The following DEPTOR variants were observed in gnomAD, a reference collection of about 807,000 sequenced individuals.
DEPTOR encodes DEP domain containing MTOR interacting protein.
DEPTOR carries 41 observed loss-of-function variants against 41.6 expected under a neutral mutation model. That is an observed-to-expected ratio of 0.98 (90% CI 0.77 to 1.28). The LOEUF (loss-of-function observed/expected upper bound fraction) is 1.28. DEPTOR is among the 50% of genes most tolerant of loss of function. The pLI is 0.00. For missense variants in DEPTOR, 514 were observed against 527.9 expected (o/e 0.97, Z 0.26); for synonymous variants, 195 against 192.3 (o/e 1.01, Z -0.12).
At chr8:119,931,570 G>T (rs148724816) in intron 3 of DEPTOR, among the ~76,000 whole-genome samples, 1 of 152,120 alleles carries the variant, frequency 6.6e-6, no homozygotes, top group Non-Finnish European at 1.5e-5. Flanking sequence ...TGTCCTTCCT[G>T]TGTTATGCGC....
chr8:119,954,923 A>G (rs1424925703), intron 3 of DEPTOR, among the ~76,000 whole-genome samples: 1 of 151,826 alleles, frequency 6.6e-6, no homozygotes, highest in African/African-American at 2.4e-5. Context: ...CAGTGGCACA[A>G]TCTTGGCTCA....
intron 4 of DEPTOR, among the ~76,000 whole-genome samples, chr8:119,974,972 T>C (rs533274557): frequency 6.6e-6 from 1 of 152,214 alleles, no homozygotes; most frequent in South Asian, 2.1e-4. Flanking sequence ...ATTTTCTTTC[T>C]GTTCCTGGTG....
At chr8:119,887,069 G>A (rs147821331) in intron 1 of DEPTOR, among the ~76,000 whole-genome samples, 1 of 145,150 alleles carries the variant, frequency 6.9e-6, no homozygotes, top group Non-Finnish European at 1.5e-5. Context: ...AAAGACTATG[G>A]AGAAATGGTT....
rs34125548 is a variant in DEPTOR, at chr8:120,022,157, T to TAAAAAA, written c.1101+13040_1101+13045dup. On this transcript the variant is annotated intron_variant, in intron 8 of 8. Transcript: ENST00000286234. Reference sequence around the variant, plus strand: ...TGGGTGACAGAGCGAGACCCCATCTTAAAAAAAAAAAAAAAAAAAAAGATG... The same window carrying TAAAAAA: ...TGGGTGACAGAGCGAGACCCCATCTTAAAAAAAAAAAAAAAAAAAAAAAAAAAGATG... 9.8e-4 allele frequency among the ~76,000 whole-genome samples: 92 copies of TAAAAAA among 93,720 alleles called. 2 individuals are homozygous for TAAAAAA. Among genetic ancestry groups the TAAAAAA allele is most frequent in the African/African-American group, 2.5e-3 (64 of 25,270 alleles). The allele number at this position is 93,720 out of a possible 152,430, so 61.5% of individuals were successfully genotyped here. A position where few individuals can be genotyped will look rare whatever the true frequency, so the allele number is the denominator to read the frequency against.
chr8:120,031,351 G>A (rs1326235907), intron 8 of DEPTOR, among the ~76,000 whole-genome samples: 1 of 152,072 alleles, frequency 6.6e-6, no homozygotes, highest in African/African-American at 2.4e-5. Flanking sequence ...TGTAATCCCA[G>A]CTACTTGAGA....
At chr8:119,981,533 T>C (rs934317836) in intron 4 of DEPTOR, among the ~76,000 whole-genome samples, 1 of 151,808 alleles carries the variant, frequency 6.6e-6, no homozygotes, top group Non-Finnish European at 1.5e-5. Flanking sequence ...GGTGCACACC[T>C]GTAGTTCCAA....
intron 1 of DEPTOR, among the ~76,000 whole-genome samples, chr8:119,919,794 C>G (rs1219661717): frequency 6.6e-6 from 1 of 152,214 alleles, no homozygotes; most frequent in African/African-American, 2.4e-5. Flanking sequence ...ATTTATGACG[C>G]TGTTTTAAAA....
At chr8:120,011,031 A>T (rs918673488) in intron 8 of DEPTOR, among the ~76,000 whole-genome samples, 2 of 152,192 alleles carry the variant, frequency 1.3e-5, no homozygotes, top group Admixed American at 6.5e-5. Context: ...CTGTTCATTT[A>T]TTCAATACTT....
chr8:119,911,311 C>CTTT (rs147066045), intron 1 of DEPTOR, among the ~76,000 whole-genome samples: 45 of 105,466 alleles, frequency 4.3e-4, no homozygotes, highest in African/African-American at 7.1e-4. Context: ...TACACACATT[C>CTTT]TTTTTTTTTT....
intron 3 of DEPTOR, among the ~76,000 whole-genome samples, chr8:119,934,220 G>C (rs1348856079): frequency 6.6e-6 from 1 of 152,170 alleles, no homozygotes; most frequent in Non-Finnish European, 1.5e-5. Context: ...GTGTTTCTCA[G>C]TCTGCTCGTT....
At chr8:119,905,008 A>G (rs1258211541) in intron 1 of DEPTOR, among the ~76,000 whole-genome samples, 1 of 113,098 alleles carries the variant, frequency 8.8e-6, no homozygotes, top group Non-Finnish European at 1.7e-5. Flanking sequence ...GAGTCTCACT[A>G]TGTTGCCTAG....
At position 119,922,237 on chromosome 8, in the gene DEPTOR, CAAAA is replaced by C. The variant is rs34430128; in HGVS notation, c.123-6151_123-6148del. 1.5e-4 allele frequency among the ~76,000 whole-genome samples: 19 copies of C among 125,862 alleles called. No homozygotes were observed. In the Admixed American group the frequency reaches 1.6e-3, roughly 10 times the overall value. The allele number at this position is 125,862 out of a possible 152,430, so 82.6% of individuals were successfully genotyped here. ...CTGGGCAACAAGAGTGAAACTGTCT[CAAAA>C]AAAAAAAAAAAGATAAATACTATCT... On this transcript the variant is annotated intron_variant, in intron 1 of 8. Transcript: ENST00000286234.
At chr8:119,906,130 G>A (rs1827660139) in intron 1 of DEPTOR, among the ~76,000 whole-genome samples, 1 of 151,906 alleles carries the variant, frequency 6.6e-6, no homozygotes, top group Non-Finnish European at 1.5e-5. Flanking sequence ...CTATACTAAT[G>A]CACTCTGTAT....
chr8:119,928,425 A>G lies in DEPTOR; in HGVS notation c.148A>G (p.Ile50Val). The part of the protein sequence containing the change: ...LRLRLHEEKV[I>V]KDRRHHLKTY... ...GCTCAGGCTGCACGAAGAAAAGGTT[A>G]TTAAAGATAGACGTCATCATCTCAA... Residue 50 changes from isoleucine (I) to valine (V), a missense_variant, in exon 2 of 9, where the codon ATT becomes GTT. Coordinates refer to ENST00000286234, the MANE Select transcript of DEPTOR (RefSeq NM_022783.4). 6.2e-7 allele frequency: 1 copy of G among 1,613,628 alleles called. No individual in the cohort carries two copies.
intron 1 of DEPTOR, among the ~76,000 whole-genome samples, chr8:119,925,737 GC>G (rs1473025259): frequency 2.0e-5 from 3 of 152,156 alleles, no homozygotes; most frequent in Admixed American, 1.3e-4. Context: ...CAATTCTCCT[GC>G]CTCAGCCTCC....
intron 1 of DEPTOR, among the ~76,000 whole-genome samples, chr8:119,926,865 C>G (rs945657598): frequency 2.0e-5 from 3 of 152,128 alleles, no homozygotes; most frequent in African/African-American, 4.8e-5. Context: ...CATTAACATT[C>G]ATTCCCAATT....
chr8:119,923,893 C>CTTTTCTTTTTTTTTTTTTTTTTTTT (rs1554673843), intron 1 of DEPTOR, among the ~76,000 whole-genome samples: 1 of 104,978 alleles, frequency 9.5e-6, no homozygotes, highest in South Asian at 2.9e-4. Context: ...TTTTTTCTTT[C>CTTTTCTTTTTTTTTTTTTTTTTTTT]TTTTTTTTTT....
At chr8:119,916,715 T>C (rs182111107) in intron 1 of DEPTOR, among the ~76,000 whole-genome samples, 229 of 152,288 alleles carry the variant, frequency 1.5e-3, no homozygotes, top group African/African-American at 5.3e-3. Flanking sequence ...GTTCAGAAAT[T>C]ACATTAAGCT....
At chr8:120,002,097 C>T (rs1812358893) in intron 5 of DEPTOR, among the ~76,000 whole-genome samples, 1 of 152,086 alleles carries the variant, frequency 6.6e-6, no homozygotes, top group African/African-American at 2.4e-5. Context: ...AGCAAGACCT[C>T]ATCTGTCCAA....
Sources: allele counts gnomAD v4.1 joint callset (sites outside exome capture counted in the v4.1 genomes callset), GRCh38; gene constraint gnomAD v4.1.1; transcripts MANE v1.5; gene names NCBI Gene and HGNC (gene_info 2026-07-23, HGNC 2026-07-21).